Variants in WWC2 observed in about 807,000 individuals in gnomAD.
WWC2 encodes the protein protein WWC2.
WWC2 carries 101 observed loss-of-function variants against 138.5 expected under a neutral mutation model. The ratio of observed to expected loss-of-function variants is 0.73; its 90% CI spans 0.62 to 0.86. The LOEUF (loss-of-function observed/expected upper bound fraction) is 0.86, where lower values mean the gene tolerates loss of function less well. Ranked by LOEUF, WWC2 falls within the 40% of genes least tolerant of loss-of-function variation. The pLI is 0.00. For synonymous variants in WWC2, 558 were observed against 538.4 expected, an observed-to-expected ratio of 1.04 and a Z score of -0.50; for missense variants, 1,420 against 1,419.4, an observed-to-expected ratio of 1.00 and a Z score of -0.01.
chr4:183,308,963 G>A (rs970765743), intron 21 of WWC2, among the ~76,000 whole-genome samples: 1 of 152,018 alleles, frequency 6.6e-6, no homozygotes, highest in African/African-American at 2.4e-5. Context: ...GAGGAGCAAA[G>A]AAAATAAATC....
chr4:183,159,459 C>T (rs1172162792), intron 1 of WWC2, among the ~76,000 whole-genome samples: 3 of 152,164 alleles, frequency 2.0e-5, no homozygotes, highest in South Asian at 2.1e-4. Flanking sequence ...GGCCGGAGTA[C>T]AGTGGCGAGA....
At position 183,317,129 on chromosome 4, in the gene WWC2, T is replaced by C; in HGVS notation, c.*1400T>C. On this transcript the variant is annotated 3_prime_UTR_variant, in exon 23 of 23. Transcript: ENST00000403733. ...AATATAGCAAATAAAATAGATTTTT[T>C]AAAGAAATCCAAAATTGTCTTAAAG... 1.3e-5 allele frequency: 2 copies of C among 151,484 alleles called. No individual in the cohort carries two copies. Among genetic ancestry groups the C allele is most frequent in the Middle Eastern group, 6.8e-3 (2 of 292 alleles). The allele number at this position is 151,484 out of a possible 1,614,324, so 9.4% of individuals were successfully genotyped here.
chr4:183,153,768 C>G (rs2111122831), intron 1 of WWC2, among the ~76,000 whole-genome samples: 1 of 150,990 alleles, frequency 6.6e-6, no homozygotes, highest in East Asian at 2.0e-4. Context: ...ACCTCAGGCT[C>G]CTGAGAAACT....
chr4:183,214,532 C>G (rs1190670608), intron 4 of WWC2, among the ~76,000 whole-genome samples: 1 of 152,024 alleles, frequency 6.6e-6, no homozygotes, highest in Admixed American at 6.6e-5. Context: ...GTGGCTCATG[C>G]CTGTAATCCC....
At chr4:183,121,640 C>G (rs1363198671) in intron 1 of WWC2, among the ~76,000 whole-genome samples, 1 of 152,114 alleles carries the variant, frequency 6.6e-6, no homozygotes, top group Non-Finnish European at 1.5e-5. Context: ...GAATTTATGC[C>G]TGTTCCCCAC....
rs751415860 is a variant in WWC2, at chr4:183,261,107, G to T, written c.1484G>T (p.Gly495Val). The T allele has an allele frequency of 1.7e-5, 28 of 1,613,826 alleles. 2 individuals carry two copies. The highest frequency in any genetic ancestry group is 8.0e-5 in the African/African-American group (6 of 74,900). ...KLDFLLQEKSGYIPSGPITTI... is the reference protein window; with the variant it reads ...KLDFLLQEKSVYIPSGPITTI... ...GACTTCCTTCTGCAAGAGAAAAGCG[G>T]TTACATTCCTTCTGGACCCATCACC... The change falls in exon 11 of 23, where the codon GGT becomes GTT. Residue 495 changes from glycine (G) to valine (V), a missense_variant. Physicochemically the swap from Gly to Val is moderately radical, Grantham distance 109. Coordinates refer to ENST00000403733, the MANE Select transcript of WWC2 (RefSeq NM_024949.6).
chr4:183,119,206 C>T (rs72691683), intron 1 of WWC2, among the ~76,000 whole-genome samples: 6,565 of 152,208 alleles, frequency 0.043, 175 homozygotes, highest in African/African-American at 0.072. Flanking sequence ...ATTGCACTGG[C>T]CCTGCCGTTA....
chr4:183,265,281 A>G (rs188791772), intron 12 of WWC2, among the ~76,000 whole-genome samples, 174 bp downstream of exon 12: 7 of 152,250 alleles, frequency 4.6e-5, no homozygotes, highest in Admixed American at 1.3e-4. Context: ...TGACTTAGCC[A>G]TGGAAATTAT....
At chr4:183,226,616 A>T (rs930563078) in intron 4 of WWC2, among the ~76,000 whole-genome samples, 1 of 152,062 alleles carries the variant, frequency 6.6e-6, no homozygotes, top group Non-Finnish European at 1.5e-5. Flanking sequence ...TGAAAATTTT[A>T]AAATGGTTAC....
chr4:183,254,987 C>T (rs1313932129), intron 9 of WWC2, among the ~76,000 whole-genome samples: 1 of 152,170 alleles, frequency 6.6e-6, no homozygotes, highest in African/African-American at 2.4e-5. Flanking sequence ...GAGAGGAAGA[C>T]GTCTCTGACA....
chr4:183,217,746 C>T (rs1238321159), intron 4 of WWC2, among the ~76,000 whole-genome samples: 1 of 151,816 alleles, frequency 6.6e-6, no homozygotes, highest in Non-Finnish European at 1.5e-5. Context: ...ACAGAGAAAA[C>T]AAAGTCTGGT....
chr4:183,188,148 A>G (rs180789714), intron 1 of WWC2, among the ~76,000 whole-genome samples: 44 of 152,320 alleles, frequency 2.9e-4, no homozygotes, highest in Non-Finnish European at 5.7e-4. Context: ...GAGTGAGGCT[A>G]GATTGGAGCC....
At position 183,244,286 on chromosome 4, in the gene WWC2, C is replaced by T. The variant is rs1736707293; in HGVS notation, c.603-1130C>T. Among the ~76,000 whole-genome samples, 4 of 152,066 alleles carry T rather than the reference C, an allele frequency of 2.6e-5. No individual in the cohort carries two copies. The South Asian group carries it at 8.3e-4, about 32-fold the overall frequency. On this transcript the variant is annotated intron_variant, in intron 5 of 22. Transcript: ENST00000403733. ...ACCAGGAGAGTGATCATGAAGAGTACATGAAACTATTTTTTTAAAAGAATT... is the reference window on the plus strand; with the variant it reads ...ACCAGGAGAGTGATCATGAAGAGTATATGAAACTATTTTTTTAAAAGAATT...
chr4:183,193,664 G>T lies in WWC2; in HGVS notation c.197G>T (p.Gly66Val). ...GDELPWGWEA[G>V]FDPQIGVYYI... Reference sequence around the variant, plus strand: ...GAGCTGCCGTGGGGATGGGAAGCAGGGTTTGACCCTCAGATTGGTGTCTAC... The same window carrying T: ...GAGCTGCCGTGGGGATGGGAAGCAGTGTTTGACCCTCAGATTGGTGTCTAC... The change falls in exon 2 of 23, where the codon GGG (glycine) becomes GTG (valine). Residue 66 changes from glycine (G) to valine (V), a missense_variant. Gly to Val is a moderately radical substitution (Grantham distance 109, BLOSUM62 -3). Coordinates refer to ENST00000403733, the MANE Select transcript of WWC2 (RefSeq NM_024949.6). 6.2e-7 allele frequency: 1 copy of T among 1,613,666 alleles called. No individual in the cohort carries two copies. The highest frequency in any genetic ancestry group is 8.5e-7 in the Non-Finnish European group (1 of 1,179,832).
At chr4:183,270,835 C>T (rs1737673541) in intron 15 of WWC2, among the ~76,000 whole-genome samples, 1 of 152,150 alleles carries the variant, frequency 6.6e-6, no homozygotes, top group African/African-American at 2.4e-5. Context: ...AAAATGGTAT[C>T]TCACAAACTA....
chr4:183,238,063 C>T (rs1736485108), intron 4 of WWC2, among the ~76,000 whole-genome samples: 2 of 152,210 alleles, frequency 1.3e-5, no homozygotes, highest in South Asian at 4.1e-4. Context: ...TCTCAATTAT[C>T]TATCTCTAGT....
chr4:183,183,616 G>A (rs1417955078), intron 1 of WWC2, among the ~76,000 whole-genome samples: 2 of 151,934 alleles, frequency 1.3e-5, no homozygotes, highest in African/African-American at 4.8e-5. Flanking sequence ...TGTCTACAAC[G>A]GAAAAAAGAC....
rs1359782152 is a variant in WWC2, at chr4:183,190,162, GTTA to G, written c.132-3434_132-3432del. On this transcript the variant is annotated intron_variant, in intron 1 of 22. Transcript: ENST00000403733. Reference sequence around the variant, plus strand: ...CTCTAGTTAATTTCAGGATTTTGTTGTTATTGTTGTTGTTGCTTGTTGTTGCTC... The same window carrying G: ...CTCTAGTTAATTTCAGGATTTTGTTGTTGTTGTTGTTGCTTGTTGTTGCTC... Among the ~76,000 whole-genome samples the G allele has an allele frequency of 2.6e-5, 4 of 152,226 alleles. No individual in the cohort carries two copies. The South Asian group carries it at 6.2e-4, about 24-fold the overall frequency.
intron 5 of WWC2, among the ~76,000 whole-genome samples, chr4:183,244,448 T>G (rs1014448876): frequency 6.6e-6 from 1 of 152,142 alleles, no homozygotes; most frequent in Admixed American, 6.5e-5. Flanking sequence ...TGAAGAGCTG[T>G]TTATTCAATA....
Sources: gnomAD v4.1 joint callset for allele counts (sites outside exome capture counted in the v4.1 genomes callset) on GRCh38, gnomAD v4.1.1 for gene constraint, MANE v1.5 for transcripts, NCBI Gene and HGNC (gene_info 2026-07-23, HGNC 2026-07-21) for gene names.